GPR107: variants seen among roughly 807,000 people sequenced by gnomAD.
GPR107 encodes protein GPR107.
A neutral mutation model predicts 75.5 loss-of-function variants in GPR107; 31 were observed. The observed-to-expected ratio is 0.41, with a 90% CI of 0.31 to 0.55. The LOEUF (loss-of-function observed/expected upper bound fraction) is 0.55, where lower values mean the gene tolerates loss of function less well. Among genes scored for constraint, GPR107 ranks in the 20% least tolerant of loss-of-function variants. The pLI is 0.26. For synonymous variants in GPR107, 267 were observed against 251.3 expected, an observed-to-expected ratio of 1.06 and a Z score of -0.59; for missense variants, 572 against 665.7, an observed-to-expected ratio of 0.86 and a Z score of 1.55.
At chr9:130,108,684 C>T (rs1009516048) in intron 14 of GPR107, 17 of 454,974 alleles carry the variant, frequency 3.7e-5, no homozygotes, top group South Asian at 2.6e-4. Context: ...GCCCACTCAG[C>T]TTCTGCGACC....
chr9:130,071,037 T>TTC (rs1413272623), intron 1 of GPR107, among the ~76,000 whole-genome samples: 1 of 136,786 alleles, frequency 7.3e-6, no homozygotes, highest in South Asian at 2.5e-4. Context: ...TTTTTTTTCT[T>TTC]TTTTTTTTTT....
chr9:130,056,948 A>AG (rs1167065099), intron 1 of GPR107, among the ~76,000 whole-genome samples: 2 of 150,008 alleles, frequency 1.3e-5, no homozygotes, highest in Admixed American at 6.7e-5. Flanking sequence ...AAAAAAAAAA[A>AG]AAAGAAAGTT....
At chr9:130,061,954 A>G (rs1395423049) in intron 1 of GPR107, among the ~76,000 whole-genome samples, 2 of 151,518 alleles carry the variant, frequency 1.3e-5, no homozygotes, top group Non-Finnish European at 2.9e-5. Flanking sequence ...CAAAAAAAAA[A>G]GCATTAGCCA....
At chr9:130,089,482 C>T (rs1180689795) in intron 7 of GPR107, among the ~76,000 whole-genome samples, 2 of 152,114 alleles carry the variant, frequency 1.3e-5, no homozygotes, top group Non-Finnish European at 2.9e-5. Flanking sequence ...AGCGCTTCTG[C>T]TTCATTCATG....
chr9:130,089,236 A>G (rs1438970862), intron 7 of GPR107, among the ~76,000 whole-genome samples: 1 of 152,134 alleles, frequency 6.6e-6, no homozygotes, highest in Non-Finnish European at 1.5e-5. Flanking sequence ...TACAGGATGC[A>G]CACGTGTCAG....
chr9:130,127,509 G>A lies in GPR107; in HGVS notation c.1383G>A (p.Arg461=). Residue 461 remains arginine, a synonymous_variant, in exon 16 of 18, where the codon AGG becomes AGA. Transcript: ENST00000347136. ...TTGTGTGTTACATATACTTCACTAG[G>A]ATCATTGCATTTCTCCTCAAACTCG... ...VLIVCYIYFT[R]IIAFLLKLAV... is the part of the protein sequence containing the mutation. 6.3e-7 allele frequency: 1 copy of A among 1,597,842 alleles called. No individual in the cohort carries two copies. Among genetic ancestry groups the A allele is most frequent in the African/African-American group, 1.3e-5 (1 of 74,704 alleles).
At chr9:130,059,034 G>A (rs2132530980) in intron 1 of GPR107, among the ~76,000 whole-genome samples, 1 of 152,298 alleles carries the variant, frequency 6.6e-6, no homozygotes, top group South Asian at 2.1e-4. Flanking sequence ...TCCAGGAGTG[G>A]AGTAGAATTG....
intron 1 of GPR107, among the ~76,000 whole-genome samples, chr9:130,074,066 G>T (rs1396095728): frequency 2.0e-5 from 3 of 152,168 alleles, no homozygotes; most frequent in Non-Finnish European, 1.5e-5. Flanking sequence ...CGAGTCCTGG[G>T]TTTTTAACAG....
At position 130,128,621 on chromosome 9, in the gene GPR107, G is replaced by A. The variant is rs1355183173; in HGVS notation, c.1441-19G>A. 3 of 1,601,970 alleles carry A rather than the reference G, an allele frequency of 1.9e-6. No homozygotes were observed. The highest frequency in any genetic ancestry group is 1.3e-5 in the African/African-American group (1 of 74,524). ...GTGTTGCTAATCTCTTTATTTTGGGGTGGTTTTTAAACTTGCAGCTCCTGG... is the reference window on the plus strand; with the variant it reads ...GTGTTGCTAATCTCTTTATTTTGGGATGGTTTTTAAACTTGCAGCTCCTGG... On this transcript the variant is annotated intron_variant, in intron 16 of 17. Coordinates refer to ENST00000347136, the MANE Select transcript of GPR107 (RefSeq NM_020960.5).
chr9:130,064,491 C>T (rs923945882), intron 1 of GPR107, among the ~76,000 whole-genome samples: 5 of 152,178 alleles, frequency 3.3e-5, no homozygotes, highest in African/African-American at 7.2e-5. Context: ...TGAGCCACCG[C>T]GCCCGGCCAA....
intron 17 of GPR107, chr9:130,132,840 T>TATATAC (rs10674286): frequency 6.7e-6 from 1 of 150,082 alleles, no homozygotes; most frequent in African/African-American, 2.4e-5. Context: ...TATATATATA[T>TATATAC]ACACATATAC....
chr9:130,139,470 G>A lies in GPR107; in HGVS notation c.*4349G>A, dbSNP rs1472524581. 3 of 152,222 alleles carry A rather than the reference G, an allele frequency of 2.0e-5. No individual in the cohort carries two copies. Among genetic ancestry groups the A allele is most frequent in the Non-Finnish European group, 4.4e-5 (3 of 68,066 alleles). 9.4% of individuals were successfully genotyped at this position (152,222 alleles called of 1,614,324 possible). Reference sequence around the variant, plus strand: ...CGATGCATCTGAGCCTCTCTGCGTGGTTTATGCTTGAAAAATAGATAATGC... The same window carrying A: ...CGATGCATCTGAGCCTCTCTGCGTGATTTATGCTTGAAAAATAGATAATGC... On this transcript the variant is annotated 3_prime_UTR_variant, in exon 18 of 18. Transcript: ENST00000347136.
Position 130,140,044 on chromosome 9 carries a change from A to T in GPR107, c.*4923A>T, listed in dbSNP as rs1832061628. On this transcript the variant is annotated 3_prime_UTR_variant, in exon 18 of 18. Transcript: ENST00000347136. This position sits in a 1 kb window ranked among gnomAD's most constrained non-coding sequence, Gnocchi z 4.0. Reference sequence around the variant, plus strand: ...TATTTTTTTTAAAACACTAATGATCATTGAAGAGTATTTATGTAAACATAC... The same window carrying T: ...TATTTTTTTTAAAACACTAATGATCTTTGAAGAGTATTTATGTAAACATAC... 6.6e-6 allele frequency: 1 copy of T among 152,304 alleles called. No individual in the cohort carries two copies. The highest frequency in any genetic ancestry group is 6.5e-5 in the Admixed American group (1 of 15,300). 9.4% of individuals were successfully genotyped at this position (152,304 alleles called of 1,614,324 possible).
Position 130,112,442 on chromosome 9 carries a change from C to A in GPR107, c.1306+4903C>A, listed in dbSNP as rs1205734021. Among the ~76,000 whole-genome samples, 2 of 152,180 alleles carry A rather than the reference C, an allele frequency of 1.3e-5. No homozygotes were observed. The highest frequency in any genetic ancestry group is 4.8e-5 in the African/African-American group (2 of 41,432). On this transcript the variant is annotated intron_variant, in intron 14 of 17. Coordinates refer to ENST00000347136, the MANE Select transcript of GPR107 (RefSeq NM_020960.5). This position sits in a 1 kb window ranked among gnomAD's most constrained non-coding sequence, Gnocchi z 4.0. ...GCAATGATGGGTGAAATTGCCGGCA[C>A]CGTCACGTGATTCCAGGCTGTGGTA...
In GPR107 at chr9:130,075,711, A is replaced by G; in HGVS notation, c.217A>G (p.Ser73Gly). The G allele has an allele frequency of 6.2e-7, 1 of 1,602,504 alleles. No individual in the cohort carries two copies. Among genetic ancestry groups the G allele is most frequent in the Non-Finnish European group, 8.6e-7 (1 of 1,169,570 alleles). Residue 73 changes from serine to glycine, a missense_variant, in exon 2 of 18, where the codon AGC becomes GGC. Ser to Gly is a moderately conservative substitution (Grantham distance 56). Transcript: ENST00000347136. Reference sequence around the variant, plus strand: ...TGGGTACATGGTGGTGAATGTCAGTAGCCTCTCACTGAATGAGCCTGAAGA... The same window carrying G: ...TGGGTACATGGTGGTGAATGTCAGTGGCCTCTCACTGAATGAGCCTGAAGA... ...KDGYMVVNVS[S>G]LSLNEPEDKD...
chr9:130,126,038 C>T (rs1305805543), intron 15 of GPR107, among the ~76,000 whole-genome samples: 1 of 141,096 alleles, frequency 7.1e-6, no homozygotes, highest in Non-Finnish European at 1.5e-5. Flanking sequence ...GCCTGGGCGA[C>T]AGAGCGAGAC....
intron 14 of GPR107, among the ~76,000 whole-genome samples, chr9:130,121,871 G>C (rs923467963): frequency 3.3e-5 from 5 of 151,894 alleles, no homozygotes; most frequent in African/African-American, 1.2e-4. Context: ...AAATTCAGGA[G>C]AGACTTATTT....
chr9:130,110,877 C>T (rs1290159122), intron 14 of GPR107, among the ~76,000 whole-genome samples: 1 of 152,196 alleles, frequency 6.6e-6, no homozygotes, highest in Non-Finnish European at 1.5e-5. Context: ...ACTAGGAGCA[C>T]AAAGGCTACA....
chr9:130,101,351 A>G lies in GPR107; in HGVS notation c.1131+128A>G, dbSNP rs898405354. 7 of 679,162 alleles carry G rather than the reference A, an allele frequency of 1.0e-5. No individual in the cohort carries two copies. The African/African-American group carries it at 1.1e-4, about 10-fold the overall frequency. 42.1% of individuals were successfully genotyped at this position (679,162 alleles called of 1,614,324 possible). On this transcript the variant is annotated intron_variant, in intron 12 of 17. Coordinates refer to ENST00000347136, the MANE Select transcript of GPR107 (RefSeq NM_020960.5). ...CAGCTTCTGCTAGTGGAGGTTGAAGACTGAGATTCTCTTTCTGAATTCTGA... is the reference window on the plus strand; with the variant it reads ...CAGCTTCTGCTAGTGGAGGTTGAAGGCTGAGATTCTCTTTCTGAATTCTGA...
Sources: gnomAD v4.1 joint callset for allele counts (sites outside exome capture counted in the v4.1 genomes callset) on GRCh38, gnomAD v4.1.1 for gene constraint, Gnocchi (gnomAD v3.1) non-coding constraint, MANE v1.5 for transcripts, NCBI Gene and HGNC (gene_info 2026-07-23, HGNC 2026-07-21) for gene names.